ACSS3: variants seen among roughly 807,000 people sequenced by gnomAD.
ACSS3 encodes acyl-CoA synthetase short chain family member 3, also known as acyl-CoA synthetase short-chain family member 3, mitochondrial.
Under a neutral mutation model 84.2 loss-of-function variants are expected in ACSS3, and 64 were observed. The observed-to-expected ratio is 0.76, with a 90% CI of 0.62 to 0.94. The LOEUF is 0.94. Among genes scored for constraint, ACSS3 ranks in the 40% least tolerant of loss-of-function variants. The pLI, the probability that ACSS3 is intolerant of heterozygous loss-of-function variation, is 0.00. For synonymous variants in ACSS3, 317 were observed against 310.1 expected (o/e 1.02, Z -0.23); for missense variants, 815 against 867.6 (o/e 0.94, Z 0.76).
At chr12:81,243,303 G>A (rs867565524) in intron 13 of ACSS3, among the ~76,000 whole-genome samples, 35 of 152,182 alleles carry the variant, frequency 2.3e-4, no homozygotes, top group African/African-American at 6.5e-4. Context: ...AGCTTACAAC[G>A]GACGTGAAGG....
At chr12:81,142,346 C>T (rs1187477355) in intron 4 of ACSS3, among the ~76,000 whole-genome samples, 1 of 152,160 alleles carries the variant, frequency 6.6e-6, no homozygotes, top group Admixed American at 6.5e-5. Context: ...CTGTAATTCC[C>T]CATCAGAGTA....
chr12:81,238,988 A>C (rs1178911665), intron 13 of ACSS3, among the ~76,000 whole-genome samples: 1 of 151,746 alleles, frequency 6.6e-6, no homozygotes, highest in Non-Finnish European at 1.5e-5. Flanking sequence ...TAATATGTGA[A>C]TTCAGTGCTA....
At chr12:81,078,067 A>G (rs568188981), upstream of ACSS3, 37 of 1,435,376 alleles carry the variant, frequency 2.6e-5, no homozygotes, top group East Asian at 8.6e-4. Flanking sequence ...GGCCCCAGGA[A>G]GTTGCAAGAG....
chr12:81,207,109 T>C (rs1377410745), intron 9 of ACSS3, among the ~76,000 whole-genome samples: 6 of 152,140 alleles, frequency 3.9e-5, no homozygotes, highest in Non-Finnish European at 7.4e-5. Context: ...GAAATATCTG[T>C]TCTAATTCTC....
intron 8 of ACSS3, among the ~76,000 whole-genome samples, chr12:81,196,550 A>G (rs1194289839): frequency 6.6e-6 from 1 of 152,144 alleles, no homozygotes; most frequent in African/African-American, 2.4e-5. Context: ...AGCTCACATT[A>G]TATTTCCATT....
chr12:81,132,848 T>C (rs1885591210), intron 2 of ACSS3, among the ~76,000 whole-genome samples: 1 of 152,160 alleles, frequency 6.6e-6, no homozygotes, highest in East Asian at 1.9e-4. Context: ...CTCGTTGGTC[T>C]CTCTCAGTGT....
chr12:81,198,199 A>C (rs1402181585), intron 8 of ACSS3, among the ~76,000 whole-genome samples: 1 of 152,138 alleles, frequency 6.6e-6, no homozygotes, highest in Admixed American at 6.6e-5. Flanking sequence ...TATCATTCTG[A>C]GCATCTAGAA....
At chr12:81,177,791 A>G (rs906895728) in intron 8 of ACSS3, among the ~76,000 whole-genome samples, 8 of 152,248 alleles carry the variant, frequency 5.3e-5, no homozygotes, top group East Asian at 1.9e-4. Flanking sequence ...TTAGAATGGC[A>G]ATCATTAAAA....
At chr12:81,249,870 T>C (rs2034096407) in intron 13 of ACSS3, among the ~76,000 whole-genome samples, 1 of 152,122 alleles carries the variant, frequency 6.6e-6, no homozygotes, top group Non-Finnish European at 1.5e-5. Context: ...AAATTAAGAT[T>C]CTTAAAAATG....
At chr12:81,093,175 C>T (rs1308452492) in intron 1 of ACSS3, among the ~76,000 whole-genome samples, 3 of 152,076 alleles carry the variant, frequency 2.0e-5, no homozygotes, top group South Asian at 2.1e-4. Context: ...CTGAGCCAGA[C>T]GCAGTGGCTC....
intron 1 of ACSS3, among the ~76,000 whole-genome samples, chr12:81,107,558 AT>A (rs1883173001): frequency 5.8e-5 from 6 of 104,262 alleles, no homozygotes; most frequent in Admixed American, 3.2e-4. Context: ...ATATATATAT[AT>A]AAATGTTTTT....
rs140774544 is a variant in ACSS3 at position 81,136,740 on chromosome 12, A to C, written c.645+1736A>C. Among the ~76,000 whole-genome samples the C allele has an allele frequency of 5.3e-5, 8 of 152,308 alleles. No homozygotes were observed. In the South Asian group the frequency reaches 1.7e-3, roughly 32 times the overall value. On this transcript the variant is annotated intron_variant, in intron 3 of 15. Coordinates refer to ENST00000548058, the MANE Select transcript of ACSS3 (RefSeq NM_024560.4). ...GTTTTGTCTGAACTGGATTCTGTTA[A>C]TGAGTAAAAGTTTTTGAACAGGCAA...
chr12:81,248,573 G>T (rs1455964310), intron 13 of ACSS3, among the ~76,000 whole-genome samples: 1 of 151,888 alleles, frequency 6.6e-6, no homozygotes, highest in East Asian at 1.9e-4. Flanking sequence ...AGTGGTGAAA[G>T]GACATGAAAA....
chr12:81,128,129 A>T (rs1334388504), intron 2 of ACSS3, among the ~76,000 whole-genome samples: 1 of 152,102 alleles, frequency 6.6e-6, no homozygotes, highest in Non-Finnish European at 1.5e-5. Context: ...ATTTTATAAT[A>T]TATAAATTTC....
intron 2 of ACSS3, among the ~76,000 whole-genome samples, chr12:81,111,128 T>TA (rs1241744528): frequency 6.6e-6 from 1 of 151,734 alleles, no homozygotes; most frequent in Non-Finnish European, 1.5e-5. Flanking sequence ...GATTTAAACA[T>TA]AAAAAAAGAC....
intron 1 of ACSS3, among the ~76,000 whole-genome samples, chr12:81,094,019 T>G (rs1359639082): frequency 6.6e-6 from 1 of 152,206 alleles, no homozygotes; most frequent in Non-Finnish European, 1.5e-5. Context: ...ACAGAATATT[T>G]AACATATTGG....
intron 2 of ACSS3, among the ~76,000 whole-genome samples, chr12:81,131,301 G>A (rs1022399513): frequency 1.3e-5 from 2 of 151,884 alleles, no homozygotes; most frequent in South Asian, 2.1e-4. Context: ...CTTTTATTTT[G>A]TTGAGCAGTG....
rs200328137 is a variant in ACSS3, at chr12:81,199,480, G to A, written c.1354+36G>A. The A allele has an allele frequency of 1.0e-4, 166 of 1,582,572 alleles. No homozygotes were observed. The African/African-American group carries it at 2.1e-3, about 20-fold the overall frequency. ...TCCTAGCATGTACATAAATAGTAAA[G>A]AAATGTTCCAAAAAGCTGCAAGGAT... On this transcript the variant is annotated intron_variant, in intron 9 of 15. Transcript: ENST00000548058.
At chr12:81,142,735 T>A (rs1886152254) in intron 4 of ACSS3, among the ~76,000 whole-genome samples, 1 of 152,148 alleles carries the variant, frequency 6.6e-6, no homozygotes, top group African/African-American at 2.4e-5. Flanking sequence ...ATAAATAGGC[T>A]ATGAAAAATA....
Sources: gnomAD v4.1 joint callset for allele counts (sites outside exome capture counted in the v4.1 genomes callset) on GRCh38, gnomAD v4.1.1 for gene constraint, MANE v1.5 for transcripts, NCBI Gene and HGNC (gene_info 2026-07-23, HGNC 2026-07-21) for gene names.